Variants in DNAH12 observed in about 807,000 individuals in gnomAD.
The protein encoded by DNAH12 is axonemal beta dynein heavy chain 12.
A neutral mutation model predicts 371.5 loss-of-function variants in DNAH12; 285 were observed. The observed-to-expected ratio is 0.77, with a 90% confidence interval of 0.70 to 0.85. DNAH12 has a LOEUF of 0.85. Ranked by LOEUF, DNAH12 falls within the 40% of genes least tolerant of loss-of-function variation. DNAH12 has a pLI of 0.00. For synonymous variants in DNAH12, 1,200 were observed against 1,213.0 expected, an observed-to-expected ratio of 0.99 and a Z score of 0.22; for missense variants, 3,611 against 3,689.4, an observed-to-expected ratio of 0.98 and a Z score of 0.55.
chr3:57,553,742 A>T, the DNAH12 span, among the ~76,000 whole-genome samples: 1 of 152,180 alleles, frequency 6.6e-6, no homozygotes, highest in African/African-American at 2.4e-5. Context: ...CAGTTTTATG[A>T]CTTTAAAACA....
Position 57,470,463 on chromosome 3 carries a change from C to T in DNAH12, c.2085G>A (p.Lys695=). 5 of 1,528,326 alleles carry T rather than the reference C, an allele frequency of 3.3e-6. No individual in the cohort carries two copies. The highest frequency in any genetic ancestry group is 4.4e-6 in the Non-Finnish European group (5 of 1,138,520). 94.7% of individuals were successfully genotyped at this position (1,528,326 alleles called of 1,614,324 possible). The part of the protein sequence containing the change: ...PYQKFFNFVL[K]WQRSEKRWMD... Reference sequence around the variant, plus strand: ...ATTACCGTTTTTCTGATCGCTGCCACTTCAAAACAAAATTAAAAAACTTCT... The same window carrying T: ...ATTACCGTTTTTCTGATCGCTGCCATTTCAAAACAAAATTAAAAAACTTCT... Residue 695 remains lysine (K), a synonymous_variant, in exon 16 of 74, where the codon AAG becomes AAA. Transcript: ENST00000495027.
At chr3:57,342,082 G>C (rs2062415639) in intron 60 of DNAH12, among the ~76,000 whole-genome samples, 1 of 152,100 alleles carries the variant, frequency 6.6e-6, no homozygotes, top group Admixed American at 6.5e-5. Context: ...AGCAAAACTA[G>C]ACTCTCTCCT....
intron 66 of DNAH12, among the ~76,000 whole-genome samples, chr3:57,313,146 C>T (rs1174456613): frequency 1.3e-5 from 2 of 152,108 alleles, no homozygotes; most frequent in African/African-American, 4.8e-5. Flanking sequence ...TCCCAAGCTC[C>T]CTTACAGCTA....
chr3:57,521,543 C>T (rs1344407804), intron 4 of DNAH12, among the ~76,000 whole-genome samples: 2 of 152,034 alleles, frequency 1.3e-5, no homozygotes, highest in Non-Finnish European at 2.9e-5. Flanking sequence ...TACTTGTGTG[C>T]GTCTATTTCT....
At chr3:57,390,493 A>G (rs1248840824) in intron 45 of DNAH12, among the ~76,000 whole-genome samples, 1 of 130,194 alleles carries the variant, frequency 7.7e-6, no homozygotes, top group East Asian at 2.7e-4. Flanking sequence ...ACACAGCTAC[A>G]TGGAGGGTGA....
At chr3:57,539,060 T>C (rs1371767826) in intron 2 of DNAH12, among the ~76,000 whole-genome samples, 2 of 152,184 alleles carry the variant, frequency 1.3e-5, no homozygotes, top group Non-Finnish European at 2.9e-5. Flanking sequence ...AAACCTACTT[T>C]CCTCCTCCAC....
chr3:57,325,206 T>C (rs561056762), intron 62 of DNAH12, among the ~76,000 whole-genome samples: 1 of 152,290 alleles, frequency 6.6e-6, no homozygotes, highest in South Asian at 2.1e-4. Context: ...TCTGACAGCT[T>C]TGAAGAGAGC....
intron 56 of DNAH12, among the ~76,000 whole-genome samples, chr3:57,367,447 A>G (rs1307882354): frequency 6.6e-6 from 1 of 152,240 alleles, no homozygotes; most frequent in Non-Finnish European, 1.5e-5. Context: ...TGGTTGTCAT[A>G]GAGCTTTGTA....
At chr3:57,412,427 A>G (rs1444957188) in intron 39 of DNAH12, among the ~76,000 whole-genome samples, 1 of 152,216 alleles carries the variant, frequency 6.6e-6, no homozygotes, top group African/African-American at 2.4e-5. Context: ...ACACCAACAG[A>G]TTGGTTGAGA....
chr3:57,490,633 G>A (rs1301420714), intron 11 of DNAH12, among the ~76,000 whole-genome samples: 3 of 151,736 alleles, frequency 2.0e-5, no homozygotes, highest in African/African-American at 7.3e-5. Context: ...TCTTCCTTCA[G>A]GAGAACTTTC....
In DNAH12 at chr3:57,301,852, G is replaced by A. The variant is rs1305912944; in HGVS notation, c.11277C>T (p.Leu3759=). The A allele has an allele frequency of 6.4e-7, 1 of 1,551,630 alleles. No homozygotes were observed. The highest frequency in any genetic ancestry group is 2.0e-5 in the Admixed American group (1 of 50,982). Reference sequence around the variant, plus strand: ...CCTTTCCAACAAGTAAGCTACCGGAGAGTGCCTCCAATGCAGAATCCATCA... The same window carrying A: ...CCTTTCCAACAAGTAAGCTACCGGAAAGTGCCTCCAATGCAGAATCCATCA... ...VVVMDSALEA[L]SGSLLVGKVP... is the part of the protein sequence containing the mutation. Residue 3759 remains leucine, a synonymous_variant, in exon 70 of 74, where the codon CTC becomes CTT. Transcript: ENST00000495027.
At chr3:57,299,798 T>TG (rs11457883) in intron 70 of DNAH12, among the ~76,000 whole-genome samples, 107,199 of 151,982 alleles carry the variant, frequency 0.71, 38,576 homozygotes, top group East Asian at 0.92. Context: ...CCTCCAGAGC[T>TG]TGAGAAATAA....
At chr3:57,302,529 G>GTTTTTATATA (rs879293648) in intron 69 of DNAH12, among the ~76,000 whole-genome samples, 5 of 47,854 alleles carry the variant, frequency 1.0e-4, no homozygotes, top group South Asian at 1.2e-3. Context: ...GGCATCAGGT[G>GTTTTTATATA]TATATATATA....
intron 62 of DNAH12, among the ~76,000 whole-genome samples, chr3:57,325,834 A>C (rs947811592): frequency 6.6e-6 from 1 of 152,206 alleles, no homozygotes; most frequent in African/African-American, 2.4e-5. Context: ...AATTTAGACA[A>C]ATGTATAATT....
chr3:57,468,544 G>GGTGGCA (rs1283668948), intron 17 of DNAH12, 192 bp downstream of exon 17: 2 of 288,618 alleles, frequency 6.9e-6, no homozygotes, highest in African/African-American at 4.4e-5. Context: ...GAGCCCAGGA[G>GGTGGCA]GTGGCAGTGG....
intron 36 of DNAH12, among the ~76,000 whole-genome samples, chr3:57,420,003 A>G: frequency 6.6e-6 from 1 of 152,232 alleles, no homozygotes; most frequent in East Asian, 1.9e-4. Context: ...AACTAAAAAT[A>G]AAATATCACA....
chr3:57,296,591 T>C (rs938436241), intron 71 of DNAH12, among the ~76,000 whole-genome samples, 156 bp from the exon 72 acceptor site: 2 of 152,252 alleles, frequency 1.3e-5, no homozygotes, highest in Admixed American at 6.5e-5. Context: ...TGTAAAAAAG[T>C]ATAAAAGTAC....
intron 2 of DNAH12, among the ~76,000 whole-genome samples, chr3:57,531,642 A>T (rs1043544975): frequency 6.6e-6 from 1 of 151,972 alleles, no homozygotes; most frequent in Non-Finnish European, 1.5e-5. Context: ...CATGTGCTGT[A>T]ATCCCAGCTA....
intron 1 of DNAH12, among the ~76,000 whole-genome samples, chr3:57,543,542 G>A (rs1044451436): frequency 5.7e-4 from 85 of 149,768 alleles, no homozygotes; most frequent in Non-Finnish European, 1.1e-3. Flanking sequence ...GGCTGGTCTC[G>A]AACTCCTGAC....
Sources: gnomAD v4.1 joint callset for allele counts (sites outside exome capture counted in the v4.1 genomes callset) on GRCh38, gnomAD v4.1.1 for gene constraint, MANE v1.5 for transcripts, NCBI Gene and HGNC (gene_info 2026-07-23, HGNC 2026-07-21) for gene names.